The following SLC8A1 variants were observed in gnomAD, a reference collection of about 807,000 sequenced individuals.
The protein encoded by SLC8A1 is solute carrier family 8 member A1.
SLC8A1 carries 18 observed loss-of-function variants against 68.3 expected under a neutral mutation model. The observed-to-expected ratio is 0.26, with a 90% CI of 0.18 to 0.39. SLC8A1 has a LOEUF of 0.39. SLC8A1 is among the 10% of genes least tolerant of loss of function. The probability of loss-of-function intolerance (pLI) is 1.00; values close to 1 mark genes in which losing one functional copy is unlikely to be tolerated. For missense variants in SLC8A1, 985 were observed against 1,156.7 expected, an observed-to-expected ratio of 0.85 and a Z score of 2.15; for synonymous variants, 475 against 415.5, an observed-to-expected ratio of 1.14 and a Z score of -1.74.
chr2:40,163,289 C>T (rs2045997510), intron 5 of SLC8A1, among the ~76,000 whole-genome samples: 1 of 152,146 alleles, frequency 6.6e-6, no homozygotes, highest in East Asian at 1.9e-4. Flanking sequence ...ACTATGATTG[C>T]TCTTCCTGTC....
intron 1 of SLC8A1, 116 bp from the exon 2 acceptor site, chr2:40,430,420 AC>A: frequency 1.7e-6 from 2 of 1,149,112 alleles, no homozygotes; most frequent in Non-Finnish European, 2.4e-6. Flanking sequence ...TTTATATTTG[AC>A]CATCACAAAA....
At chr2:40,400,670 G>T (rs1446195049) in intron 2 of SLC8A1, among the ~76,000 whole-genome samples, 1 of 152,162 alleles carries the variant, frequency 6.6e-6, no homozygotes, top group East Asian at 1.9e-4. Context: ...ACCTCCTTCA[G>T]AGGGAAAATG....
chr2:40,508,146 T>C (rs1706486765), intron 1 of SLC8A1, among the ~76,000 whole-genome samples: 1 of 152,100 alleles, frequency 6.6e-6, no homozygotes, highest in African/African-American at 2.4e-5. Flanking sequence ...AGAGTTCTAA[T>C]GATTATTGTG....
At chr2:40,365,477 C>A (rs1675871617) in intron 2 of SLC8A1, among the ~76,000 whole-genome samples, 1 of 152,034 alleles carries the variant, frequency 6.6e-6, no homozygotes, top group Non-Finnish European at 1.5e-5. Context: ...TCACTTTTCA[C>A]CTAACAATCT....
At chr2:40,205,533 G>A (rs13010453) in intron 2 of SLC8A1, among the ~76,000 whole-genome samples, 2,734 of 151,956 alleles carry the variant, frequency 0.018, 41 homozygotes, top group African/African-American at 0.035. Context: ...TATCCATAGC[G>A]GACTAACAAA....
chr2:40,433,424 G>C (rs1341253264), intron 1 of SLC8A1, among the ~76,000 whole-genome samples: 1 of 152,114 alleles, frequency 6.6e-6, no homozygotes, highest in Non-Finnish European at 1.5e-5. Flanking sequence ...TTTCCTGAGA[G>C]AATACTAGAT....
At chr2:40,154,397 G>A (rs1428138302) in intron 6 of SLC8A1, among the ~76,000 whole-genome samples, 19 of 147,514 alleles carry the variant, frequency 1.3e-4, no homozygotes, top group African/African-American at 3.5e-4. Flanking sequence ...TCTGCCTCCC[G>A]GGTTCATGGC....
chr2:40,450,294 CT>C (rs934452517), intron 1 of SLC8A1, among the ~76,000 whole-genome samples: 3 of 151,176 alleles, frequency 2.0e-5, no homozygotes, highest in Non-Finnish European at 4.4e-5. Context: ...ATTCATTTTC[CT>C]TTTTTTTTCT....
At chr2:40,451,452 G>A (rs1189724162) in intron 1 of SLC8A1, among the ~76,000 whole-genome samples, 1 of 152,162 alleles carries the variant, frequency 6.6e-6, no homozygotes, top group Non-Finnish European at 1.5e-5. Flanking sequence ...AAAGACCCCA[G>A]GGATTACCGG....
chr2:40,214,216 G>C (rs1344921653), intron 2 of SLC8A1, among the ~76,000 whole-genome samples: 2 of 152,102 alleles, frequency 1.3e-5, no homozygotes, highest in Non-Finnish European at 2.9e-5. Context: ...TTAACAAAAG[G>C]AATTATAGCC....
chr2:40,350,840 T>G (rs72798620), intron 2 of SLC8A1, among the ~76,000 whole-genome samples: 51 of 152,208 alleles, frequency 3.4e-4, no homozygotes, highest in African/African-American at 1.1e-3. Context: ...ATAAATTATC[T>G]ATAATTCTCA....
At chr2:40,281,298 C>T (rs1232081137) in intron 2 of SLC8A1, among the ~76,000 whole-genome samples, 1 of 151,972 alleles carries the variant, frequency 6.6e-6, no homozygotes, top group Non-Finnish European at 1.5e-5. Flanking sequence ...TCTCAGATGG[C>T]ACAGCTGGAA....
intron 2 of SLC8A1, among the ~76,000 whole-genome samples, chr2:40,244,247 G>A (rs1457586085): frequency 6.6e-6 from 1 of 152,066 alleles, no homozygotes; most frequent in Non-Finnish European, 1.5e-5. Context: ...GATACATTAG[G>A]AAAGCGTCAG....
intron 2 of SLC8A1, among the ~76,000 whole-genome samples, chr2:40,402,396 A>C (rs1689019347): frequency 6.6e-6 from 1 of 152,228 alleles, no homozygotes; most frequent in Admixed American, 6.5e-5. Context: ...AGTAACTGTA[A>C]GTATAATCAG....
intron 2 of SLC8A1, among the ~76,000 whole-genome samples, chr2:40,309,737 C>T (rs1484301732): frequency 6.6e-6 from 1 of 152,070 alleles, no homozygotes; most frequent in Non-Finnish European, 1.5e-5. Flanking sequence ...AACTCCTGAC[C>T]TCATGATCCG....
intron 1 of SLC8A1, among the ~76,000 whole-genome samples, chr2:40,433,397 C>A (rs1698759310): frequency 1.3e-5 from 2 of 152,156 alleles, no homozygotes; most frequent in African/African-American, 2.4e-5. Context: ...AAGAGCTGAA[C>A]ACCAAATTAT....
rs138367220 is a variant in SLC8A1 at position 40,136,228 on chromosome 2, C to T, written c.2437+3173G>A. On this transcript the variant is annotated intron_variant, in intron 7 of 7. Coordinates refer to ENST00000406785, the Ensembl canonical transcript of SLC8A1. The stretch of plus-strand genomic sequence containing the variant: ...GAGGCCCTTTCTCTATTCACAGGCA[C>T]GGGTCTTCAAGCTCTTGCCAAAACA... Among the ~76,000 whole-genome samples the T allele has an allele frequency of 1.5e-3, 226 of 152,184 alleles. 1 individual carries two copies. Among genetic ancestry groups the T allele is most frequent in the African/African-American group, 5.0e-3 (209 of 41,518 alleles).
chr2:40,384,371 A>C (rs2149568336), intron 2 of SLC8A1, among the ~76,000 whole-genome samples: 2 of 152,242 alleles, frequency 1.3e-5, no homozygotes, highest in South Asian at 4.1e-4. Context: ...AGTCTTTTGT[A>C]GATTGTTGAA....
At chr2:40,264,741 C>T (rs1004166131) in intron 2 of SLC8A1, among the ~76,000 whole-genome samples, 2 of 152,106 alleles carry the variant, frequency 1.3e-5, no homozygotes, top group African/African-American at 2.4e-5. Flanking sequence ...GGAGATATAC[C>T]TAATGTTAAA....
Sources: allele counts gnomAD v4.1 joint callset (sites outside exome capture counted in the v4.1 genomes callset), GRCh38; gene constraint gnomAD v4.1.1; transcripts MANE v1.5; gene names NCBI Gene and HGNC (gene_info 2026-07-23, HGNC 2026-07-21).